Variants in PPM1L observed in about 807,000 individuals in gnomAD.
PPM1L encodes protein phosphatase 1L.
Under a neutral mutation model 31.4 loss-of-function variants are expected in PPM1L, and 13 were observed. The observed-to-expected ratio is 0.41, with a 90% CI of 0.27 to 0.66. The LOEUF (loss-of-function observed/expected upper bound fraction) is 0.66, where lower values mean the gene tolerates loss of function less well. PPM1L is among the 30% of genes least tolerant of loss of function. The pLI, the probability that PPM1L is intolerant of heterozygous loss-of-function variation, is 0.29. For missense variants in PPM1L, 326 were observed against 453.7 expected (o/e 0.72, Z 2.56); for synonymous variants, 184 against 175.4 (o/e 1.05, Z -0.39).
chr3:160,967,395 G>A (rs918171885), intron 2 of PPM1L, among the ~76,000 whole-genome samples: 18 of 151,936 alleles, frequency 1.2e-4, no homozygotes, highest in Non-Finnish European at 5.9e-5. Context: ...TCACAGTTCT[G>A]TAGGCTGTGA....
intron 1 of PPM1L, among the ~76,000 whole-genome samples, chr3:160,812,754 A>G (rs993910313): frequency 1.3e-5 from 2 of 152,166 alleles, no homozygotes; most frequent in Non-Finnish European, 2.9e-5. Flanking sequence ...TTAGTGTGTG[A>G]CATCAGGGAG....
intron 1 of PPM1L, among the ~76,000 whole-genome samples, chr3:160,798,720 C>G (rs1712333912): frequency 6.6e-6 from 1 of 152,206 alleles, no homozygotes; most frequent in South Asian, 2.1e-4. Context: ...ACACAACATC[C>G]ATTCTGCAGC....
intron 2 of PPM1L, among the ~76,000 whole-genome samples, chr3:160,964,366 A>G (rs1716066292): frequency 6.6e-6 from 1 of 151,968 alleles, no homozygotes; most frequent in Admixed American, 6.6e-5. Context: ...TAAGCTAGAG[A>G]AAAAAATTTA....
chr3:161,035,968 C>T (rs1055859953), intron 2 of PPM1L: 1 of 152,108 alleles, frequency 6.6e-6, no homozygotes, highest in Non-Finnish European at 1.5e-5. Context: ...TCATCATAAA[C>T]CACAGAAAAA....
At chr3:160,957,787 A>G (rs1393108852) in intron 1 of PPM1L, among the ~76,000 whole-genome samples, 1 of 152,156 alleles carries the variant, frequency 6.6e-6, no homozygotes, top group East Asian at 1.9e-4. Context: ...CATGTTAGCC[A>G]GGATGGTCTT....
intron 1 of PPM1L, among the ~76,000 whole-genome samples, chr3:160,883,379 ATG>A (rs1459060392): frequency 6.6e-6 from 1 of 152,196 alleles, no homozygotes; most frequent in Non-Finnish European, 1.5e-5. Context: ...TACAAAAGCT[ATG>A]TATAATGCTG....
intron 1 of PPM1L, among the ~76,000 whole-genome samples, chr3:160,833,252 T>C (rs1284424109): frequency 1.3e-5 from 2 of 152,230 alleles, no homozygotes; most frequent in East Asian, 1.9e-4. Flanking sequence ...ATCTTTGTAA[T>C]AGAATGATTT....
At chr3:160,801,791 C>T (rs757764739) in intron 1 of PPM1L, among the ~76,000 whole-genome samples, 1 of 152,130 alleles carries the variant, frequency 6.6e-6, no homozygotes, top group Non-Finnish European at 1.5e-5. Flanking sequence ...ATTTGACTGT[C>T]ATATATGGGA....
chr3:160,855,687 T>C (rs982998188), intron 1 of PPM1L, among the ~76,000 whole-genome samples: 44 of 152,186 alleles, frequency 2.9e-4, no homozygotes, highest in African/African-American at 1.1e-3. Flanking sequence ...GTCAGAATGG[T>C]GATTATTGAA....
chr3:160,902,628 G>T (rs992255178), intron 1 of PPM1L, among the ~76,000 whole-genome samples: 1 of 152,034 alleles, frequency 6.6e-6, no homozygotes, highest in South Asian at 2.1e-4. Context: ...TGTTGTTATT[G>T]TCAAAACAAG....
chr3:160,783,199 C>T (rs930926819), intron 1 of PPM1L, among the ~76,000 whole-genome samples: 44 of 152,078 alleles, frequency 2.9e-4, no homozygotes, highest in African/African-American at 1.0e-3. Flanking sequence ...TCTTTTCAGG[C>T]ACAATTGTTT....
intron 2 of PPM1L, among the ~76,000 whole-genome samples, chr3:160,980,178 T>C (rs1185261977): frequency 6.6e-6 from 1 of 152,078 alleles, no homozygotes; most frequent in Non-Finnish European, 1.5e-5. Context: ...TGCCTCTGCT[T>C]CATCTCAGAG....
intron 1 of PPM1L, among the ~76,000 whole-genome samples, chr3:160,791,224 T>G (rs926064132): frequency 2.6e-5 from 4 of 152,124 alleles, no homozygotes; most frequent in Non-Finnish European, 4.4e-5. Context: ...GGTTTATATG[T>G]CAAAGAAGGA....
chr3:160,908,805 G>T (rs1240311169), intron 1 of PPM1L, among the ~76,000 whole-genome samples: 1 of 152,180 alleles, frequency 6.6e-6, no homozygotes, highest in Non-Finnish European at 1.5e-5. Context: ...GTATAGGAGT[G>T]CACAGAGTGA....
intron 1 of PPM1L, among the ~76,000 whole-genome samples, chr3:160,769,781 A>G (rs1715201406): frequency 6.6e-6 from 1 of 152,016 alleles, no homozygotes; most frequent in South Asian, 2.1e-4. Flanking sequence ...TTGTTCTTTA[A>G]TTATTAGATA....
chr3:161,012,413 G>A (rs575036469), intron 2 of PPM1L, among the ~76,000 whole-genome samples: 9 of 152,034 alleles, frequency 5.9e-5, no homozygotes, highest in African/African-American at 1.7e-4. Context: ...CACTGGATTC[G>A]GTTTGCTAGT....
rs562386837 is a variant in PPM1L at position 160,915,453 on chromosome 3, A to G, written c.400-46283A>G. Among the ~76,000 whole-genome samples the G allele has an allele frequency of 8.7e-4, 128 of 147,956 alleles. 1 individual carries two copies. Among genetic ancestry groups the G allele is most frequent in the African/African-American group, 3.1e-3 (120 of 39,142 alleles). On this transcript the variant is annotated intron_variant, in intron 1 of 3. Coordinates refer to ENST00000498165, the MANE Select transcript of PPM1L (RefSeq NM_139245.4). ...GAACATTCCATGTTCATGGGTAGGAAGAATCAGTATCATGAAAATGGCCAT... is the reference window on the plus strand; with the variant it reads ...GAACATTCCATGTTCATGGGTAGGAGGAATCAGTATCATGAAAATGGCCAT...
At chr3:160,812,700 C>T (rs1272162363) in intron 1 of PPM1L, among the ~76,000 whole-genome samples, 2 of 152,048 alleles carry the variant, frequency 1.3e-5, no homozygotes, top group Non-Finnish European at 2.9e-5. Flanking sequence ...CTCCCTTTCC[C>T]TGGAAAGGTG....
intron 2 of PPM1L, among the ~76,000 whole-genome samples, chr3:161,013,235 A>G (rs1368709633): frequency 6.6e-6 from 1 of 152,086 alleles, no homozygotes; most frequent in Non-Finnish European, 1.5e-5. Context: ...CTTTGTTCTC[A>G]TTGGTTTCAA....
Sources: gnomAD v4.1 joint callset for allele counts (sites outside exome capture counted in the v4.1 genomes callset) on GRCh38, gnomAD v4.1.1 for gene constraint, MANE v1.5 for transcripts, NCBI Gene and HGNC (gene_info 2026-07-23, HGNC 2026-07-21) for gene names.